The following MEGF8 variants were observed in gnomAD, a reference collection of about 807,000 sequenced individuals.
The protein encoded by MEGF8 is multiple epidermal growth factor-like domains protein 8.
Under a neutral mutation model 302.9 loss-of-function variants are expected in MEGF8, and 156 were observed. That is an observed-to-expected ratio of 0.52 (90% confidence interval 0.45 to 0.59). The LOEUF (loss-of-function observed/expected upper bound fraction) is 0.59. Among genes scored for constraint, MEGF8 ranks in the 20% least tolerant of loss-of-function variants. The probability of loss-of-function intolerance (pLI) is 0.00; values close to 1 mark genes in which losing one functional copy is unlikely to be tolerated. For missense variants in MEGF8, 3,345 were observed against 3,964.5 expected, an observed-to-expected ratio of 0.84 and a Z score of 4.20; for synonymous variants, 1,621 against 1,660.5, an observed-to-expected ratio of 0.98 and a Z score of 0.58.
chr19:42,354,862 A>G lies in MEGF8; in HGVS notation c.4144+142A>G, dbSNP rs1480630024. 1.1e-6 allele frequency: 1 copy of G among 911,106 alleles called. No individual in the cohort carries two copies. 56.4% of individuals were successfully genotyped at this position (911,106 alleles called of 1,614,324 possible). ...TAGTCCCTCACCATCTCTGGACCTCAGTGTCCTTAGTTGAGAGGAAAATAG... is the reference window on the plus strand; with the variant it reads ...TAGTCCCTCACCATCTCTGGACCTCGGTGTCCTTAGTTGAGAGGAAAATAG... On this transcript the variant is annotated intron_variant, in intron 23 of 41. Coordinates refer to ENST00000251268, the MANE Select transcript of MEGF8 (RefSeq NM_001271938.2). The surrounding 1 kb of genome is among the most constrained non-coding windows in gnomAD (Gnocchi z 4.3).
chr19:42,363,708 T>C (rs2039565532), intron 35 of MEGF8, among the ~76,000 whole-genome samples: 1 of 152,224 alleles, frequency 6.6e-6, no homozygotes, highest in South Asian at 2.1e-4. Flanking sequence ...CTTATGGAAC[T>C]TTTGGTTATA....
At position 42,353,048 on chromosome 19, in the gene MEGF8, C is replaced by G. The variant is rs1420551388; in HGVS notation, c.3471C>G (p.Pro1157=). The G allele has an allele frequency of 6.4e-7, 1 of 1,552,514 alleles. No individual in the cohort carries two copies. Among genetic ancestry groups the G allele is most frequent in the Non-Finnish European group, 8.7e-7 (1 of 1,148,294 alleles). The change falls in exon 20 of 42, where the codon CCC becomes CCG. Residue 1157 remains proline (P), a synonymous_variant. Transcript: ENST00000251268. This position sits in a 1 kb window ranked among gnomAD's most constrained non-coding sequence, Gnocchi z 6.1. ...CACCCGCCCCGGGTCCGCCAGCCCCCCGCTGCTCCCGGGACTGTGGCTGCA... is the reference window on the plus strand; with the variant it reads ...CACCCGCCCCGGGTCCGCCAGCCCCGCGCTGCTCCCGGGACTGTGGCTGCA... ...PPTPAPGPPA[P]RCSRDCGCSF...
rs766791936 is a variant in MEGF8 at position 42,357,014 on chromosome 19, C to G, written c.4830+33C>G. ...TCTCTCCCCAGCCCACTCCCCAGCCCTCACACTGGGCCCTGACAGAGACAG... is the reference window on the plus strand; with the variant it reads ...TCTCTCCCCAGCCCACTCCCCAGCCGTCACACTGGGCCCTGACAGAGACAG... On this transcript the variant is annotated intron_variant, in intron 27 of 41. Transcript: ENST00000251268. This position sits in a 1 kb window ranked among gnomAD's most constrained non-coding sequence, Gnocchi z 5.2. The G allele has an allele frequency of 5.1e-5, 78 of 1,534,330 alleles. No individual in the cohort carries two copies. The highest frequency in any genetic ancestry group is 6.6e-5 in the Non-Finnish European group (75 of 1,136,510).
intron 5 of MEGF8, 49 bp downstream of exon 5, chr19:42,335,434 C>G: frequency 6.3e-7 from 1 of 1,577,126 alleles, no homozygotes. Flanking sequence ...TCAATCAGAC[C>G]CAGCCGGGGA....
At chr19:42,343,697 G>A in intron 9 of MEGF8, 66 bp downstream of exon 9, 2 of 1,504,064 alleles carry the variant, frequency 1.3e-6, no homozygotes, top group Non-Finnish European at 1.8e-6. Flanking sequence ...CCACAGGTGA[G>A]GGGAAAGGCA....
Position 42,355,876 on chromosome 19 carries a change from C to T in MEGF8, c.4263C>T (p.Cys1421=), listed in dbSNP as rs1028636692. The change falls in exon 24 of 42, where the codon TGC becomes TGT. Residue 1421 remains cysteine, a synonymous_variant. Coordinates refer to ENST00000251268, the MANE Select transcript of MEGF8 (RefSeq NM_001271938.2). ...GPGSCPVPQE[C]VPQDGAAGAG... is the part of the protein sequence containing the mutation. Reference sequence around the variant, plus strand: ...GGAGCTGTCCCGTCCCCCAGGAATGCGTGCCCCAGGACGGTGCTGCAGGTG... The same window carrying T: ...GGAGCTGTCCCGTCCCCCAGGAATGTGTGCCCCAGGACGGTGCTGCAGGTG... The T allele has an allele frequency of 6.4e-6, 10 of 1,574,666 alleles. No homozygotes were observed. The highest frequency in any genetic ancestry group is 3.5e-5 in the South Asian group (3 of 86,334).
In MEGF8 at chr19:42,378,570, G is replaced by C. The variant is rs907995943; in HGVS notation, c.*1795G>C. 3.9e-5 allele frequency: 6 copies of C among 153,788 alleles called. No individual in the cohort carries two copies. Among genetic ancestry groups the C allele is most frequent in the African/African-American group, 1.2e-4 (5 of 41,448 alleles). 9.5% of individuals were successfully genotyped at this position (153,788 alleles called of 1,614,324 possible). ...GACCTCCCTCCCTTCTACCCTAGCT[G>C]TCTTCTTGAACTTGGGACTCTCCTT... On this transcript the variant is annotated 3_prime_UTR_variant, in exon 42 of 42. Transcript: ENST00000251268.
chr19:42,334,314 C>T (rs2039094346), intron 3 of MEGF8, 101 bp downstream of exon 3: 1 of 1,066,396 alleles, frequency 9.4e-7, no homozygotes, highest in Non-Finnish European at 1.3e-6. Flanking sequence ...ATGAAACTCC[C>T]CCCACCACCC....
rs1352754150 is a variant in MEGF8, at chr19:42,351,009, A to G, written c.2737-207A>G. On this transcript the variant is annotated intron_variant, in intron 15 of 41. Transcript: ENST00000251268. This position sits in a 1 kb window ranked among gnomAD's most constrained non-coding sequence, Gnocchi z 5.6. The stretch of plus-strand genomic sequence containing the variant: ...ACCCGGACCACACAGAAGGGGTGCT[A>G]TTGCCTAAAGGAGACAGTGGGTGCT... 1.5e-5 allele frequency: 9 copies of G among 589,870 alleles called. No individual in the cohort carries two copies. Among genetic ancestry groups the G allele is most frequent in the South Asian group, 8.3e-5 (4 of 48,056 alleles). The allele number at this position is 589,870 out of a possible 1,614,324, so 36.5% of individuals were successfully genotyped here.
Position 42,352,101 on chromosome 19 carries a change from T to A in MEGF8, c.3102-107T>A. The A allele has an allele frequency of 7.4e-7, 1 of 1,355,430 alleles. No homozygotes were observed. Among genetic ancestry groups the A allele is most frequent in the South Asian group, 1.6e-5 (1 of 63,550 alleles). The allele number at this position is 1,355,430 out of a possible 1,614,324, so 84.0% of individuals were successfully genotyped here. ...CTCTGTCTCTCTTTCCAAATTTGTATTTGCATCCCTCTCCTTCCAATTGGC... is the reference window on the plus strand; with the variant it reads ...CTCTGTCTCTCTTTCCAAATTTGTAATTGCATCCCTCTCCTTCCAATTGGC... On this transcript the variant is annotated intron_variant, in intron 18 of 41. Transcript: ENST00000251268. This position sits in a 1 kb window ranked among gnomAD's most constrained non-coding sequence, Gnocchi z 4.4.
rs1351111807 is a variant in MEGF8, at chr19:42,350,364, G to A, written c.2716G>A (p.Asp906Asn). ...TLCPLCEEHR[D>N]CHACTQDPFC... ...CTGCCCACTCTGCGAGGAGCATCGG[G>A]ACTGCCACGCCTGCACCCAGGTGCC... Residue 906 changes from aspartate to asparagine, a missense_variant, in exon 15 of 42, where the codon GAC becomes AAC. By Grantham distance (23) the Asp-to-Asn change is conservative. Coordinates refer to ENST00000251268, the MANE Select transcript of MEGF8 (RefSeq NM_001271938.2). 1 of 1,578,192 alleles carries A rather than the reference G, an allele frequency of 6.3e-7. No homozygotes were observed. Among genetic ancestry groups the A allele is most frequent in the Admixed American group, 1.8e-5 (1 of 56,754 alleles).
Position 42,358,487 on chromosome 19 carries a change from G to A in MEGF8, c.5175+180G>A, listed in dbSNP as rs908219195. On this transcript the variant is annotated intron_variant, in intron 29 of 41. Transcript: ENST00000251268. This position sits in a 1 kb window ranked among gnomAD's most constrained non-coding sequence, Gnocchi z 4.4. Reference sequence around the variant, plus strand: ...ATCCCTGATTTGGAGGAGAGAACCCGAGGCCAGGAGGTCAGAGGCATGAGT... The same window carrying A: ...ATCCCTGATTTGGAGGAGAGAACCCAAGGCCAGGAGGTCAGAGGCATGAGT... 5.9e-5 allele frequency among the ~76,000 whole-genome samples: 9 copies of A among 152,114 alleles called. No homozygotes were observed. The highest frequency in any genetic ancestry group is 2.1e-4 in the South Asian group (1 of 4,826).
rs372962401 is a variant in MEGF8 at position 42,358,065 on chromosome 19, C to T, written c.5012-79C>T. On this transcript the variant is annotated intron_variant, in intron 28 of 41. Transcript: ENST00000251268. This position sits in a 1 kb window ranked among gnomAD's most constrained non-coding sequence, Gnocchi z 4.4. Reference sequence around the variant, plus strand: ...CAGGGCCGGGGAAGGGAGTGGTCACCGAACAGGGGACCGGGAGGTCGGCGG... The same window carrying T: ...CAGGGCCGGGGAAGGGAGTGGTCACTGAACAGGGGACCGGGAGGTCGGCGG... The T allele has an allele frequency of 6.0e-5, 82 of 1,369,470 alleles. 1 individual carries two copies. The highest frequency in any genetic ancestry group is 5.3e-4 in the East Asian group (19 of 35,592). The allele number at this position is 1,369,470 out of a possible 1,614,324, so 84.8% of individuals were successfully genotyped here.
At position 42,358,327 on chromosome 19, in the gene MEGF8, A is replaced by G. The variant is rs1174380765; in HGVS notation, c.5175+20A>G. The G allele has an allele frequency of 1.3e-6, 2 of 1,588,948 alleles. No homozygotes were observed. The highest frequency in any genetic ancestry group is 2.3e-5 in the South Asian group (2 of 86,836). On this transcript the variant is annotated intron_variant, in intron 29 of 41. Transcript: ENST00000251268. The surrounding 1 kb of genome is among the most constrained non-coding windows in gnomAD (Gnocchi z 4.4). ...GCAAAGGTCAGGAAAAGAGGCTCAG[A>G]CCCAAGGATGTATGGGGCAGGAGGG... is the stretch of plus-strand genomic sequence containing the variant.
In MEGF8 at chr19:42,369,494, G is replaced by T; in HGVS notation, c.6642-37G>T. On this transcript the variant is annotated intron_variant, in intron 37 of 41. Transcript: ENST00000251268. The surrounding 1 kb of genome is among the most constrained non-coding windows in gnomAD (Gnocchi z 5.7). Reference sequence around the variant, plus strand: ...GCTAGGCCATGAAGCCACGAGGAGGGTGGCCACCTGCCCTGACCCCCACTT... The same window carrying T: ...GCTAGGCCATGAAGCCACGAGGAGGTTGGCCACCTGCCCTGACCCCCACTT... The T allele has an allele frequency of 1.3e-6, 2 of 1,582,238 alleles. No homozygotes were observed. Among genetic ancestry groups the T allele is most frequent in the East Asian group, 2.2e-5 (1 of 44,528 alleles).
At position 42,362,397 on chromosome 19, in the gene MEGF8, G is replaced by A. The variant is rs771233244; in HGVS notation, c.5858G>A (p.Arg1953His). Reference protein sequence around the residue: ...QPGDGEASTPRCKWCTNCPEG... With the variant: ...QPGDGEASTPHCKWCTNCPEG... ...TTCCCTCACCAGGCGTCCACCCCCC[G>A]CTGTAAGTGGTGTACCAACTGCCCC... Residue 1953 changes from arginine (R) to histidine (H), a missense_variant, in exon 34 of 42, where the codon CGC becomes CAC. Transcript: ENST00000251268. 2.2e-5 allele frequency: 35 copies of A among 1,613,756 alleles called. No homozygotes were observed. Among genetic ancestry groups the A allele is most frequent in the African/African-American group, 4.0e-5 (3 of 74,918 alleles).
chr19:42,326,395 A>G lies in MEGF8; in HGVS notation c.152A>G (p.Tyr51Cys). The change falls in exon 1 of 42, where the codon TAC becomes TGC. Residue 51 changes from tyrosine (Y) to cysteine (C), a missense_variant. By Grantham distance (194) the Tyr-to-Cys change is radical. Coordinates refer to ENST00000251268, the MANE Select transcript of MEGF8 (RefSeq NM_001271938.2). ...PGFVTDGAGNYSVNGNCEWLI... is the reference protein window; with the variant it reads ...PGFVTDGAGNCSVNGNCEWLI... ...TTCGTGACGGATGGTGCGGGCAACT[A>G]CAGCGTCAATGGCAACTGCGAGTGG... 1 of 1,579,242 alleles carries G rather than the reference A, an allele frequency of 6.3e-7. No individual in the cohort carries two copies. The highest frequency in any genetic ancestry group is 1.2e-5 in the South Asian group (1 of 86,188).
intron 35 of MEGF8, among the ~76,000 whole-genome samples, chr19:42,367,982 TGCAGTCATGACTCATTGCA>T (rs2039631618): frequency 1.3e-5 from 2 of 152,274 alleles, no homozygotes; most frequent in South Asian, 4.1e-4. Context: ...AGTGCAGTGG[TGCAGTCATGACTCATTGCA>T]GCCTCAAACT....
chr19:42,367,704 T>C (rs923109199), intron 35 of MEGF8, among the ~76,000 whole-genome samples: 5 of 152,148 alleles, frequency 3.3e-5, no homozygotes, highest in Non-Finnish European at 7.4e-5. Context: ...ACCAATGCAG[T>C]AGTACCTGTT....
Sources: gnomAD v4.1 joint callset for allele counts (sites outside exome capture counted in the v4.1 genomes callset) on GRCh38, gnomAD v4.1.1 for gene constraint, Gnocchi (gnomAD v3.1) non-coding constraint, MANE v1.5 for transcripts, NCBI Gene and HGNC (gene_info 2026-07-23, HGNC 2026-07-21) for gene names.